PCDHGB6: variants seen among roughly 807,000 people sequenced by gnomAD.
The protein encoded by PCDHGB6 is protocadherin gamma-B6.
A neutral mutation model predicts 59.1 loss-of-function variants in PCDHGB6; 51 were observed. The ratio of observed to expected loss-of-function variants is 0.86; its 90% confidence interval spans 0.69 to 1.09. The LOEUF (loss-of-function observed/expected upper bound fraction) is 1.09. PCDHGB6 is among the 50% of genes least tolerant of loss of function. The pLI, the probability that PCDHGB6 is intolerant of heterozygous loss-of-function variation, is 0.00. For missense variants in PCDHGB6, 1,148 were observed against 1,205.1 expected (o/e 0.95, Z 0.70); for synonymous variants, 466 against 495.1 (o/e 0.94, Z 0.78).
rs552812176 is a variant in PCDHGB6, at chr5:141,497,407, A to G, written c.2477+2542A>G. Among the ~76,000 whole-genome samples, 43 of 152,204 alleles carry G rather than the reference A, an allele frequency of 2.8e-4. No individual in the cohort carries two copies. In the Middle Eastern group the frequency reaches 0.01, roughly 36 times the overall value. The stretch of plus-strand genomic sequence containing the variant: ...GCACCTTACCCCTGCCTCAACTCCC[A>G]TTCCATCAAATGAGAGGCTTAGTGG... On this transcript the variant is annotated intron_variant, in intron 2 of 3. Coordinates refer to ENST00000520790, the MANE Select transcript of PCDHGB6 (RefSeq NM_018926.3).
intron 1 of PCDHGB6, among the ~76,000 whole-genome samples, chr5:141,445,011 T>C (rs970882082): frequency 1.3e-5 from 2 of 152,196 alleles, no homozygotes; most frequent in Non-Finnish European, 2.9e-5. Flanking sequence ...AATTAGGTCT[T>C]TAATTTCTCT....
chr5:141,491,810 G>T lies in PCDHGB6; in HGVS notation c.2419-2997G>T. 1 of 1,486,878 alleles carries T rather than the reference G, an allele frequency of 6.7e-7. No individual in the cohort carries two copies. The allele number at this position is 1,486,878 out of a possible 1,614,324, so 92.1% of individuals were successfully genotyped here. A position where few individuals can be genotyped will look rare whatever the true frequency, so the allele number is the denominator to read the frequency against. ...CCACTCCTCTCCGGCCGGCTTGGTC[G>T]CTGGCTGCGCTCCACCCGATTCTCG... On this transcript the variant is annotated intron_variant, in intron 1 of 3. Coordinates refer to ENST00000520790, the MANE Select transcript of PCDHGB6 (RefSeq NM_018926.3). This position sits in a 1 kb window ranked among gnomAD's most constrained non-coding sequence, Gnocchi z 6.9.
chr5:141,469,603 GTAAAA>G (rs929191572), intron 1 of PCDHGB6, among the ~76,000 whole-genome samples: 9 of 152,038 alleles, frequency 5.9e-5, no homozygotes, highest in Admixed American at 1.3e-4. Context: ...AACAAAATAA[GTAAAA>G]TAAAATAAAT....
chr5:141,478,987 G>T (rs1007857792), intron 1 of PCDHGB6, among the ~76,000 whole-genome samples: 8 of 152,144 alleles, frequency 5.3e-5, no homozygotes, highest in African/African-American at 1.4e-4. Flanking sequence ...TGTGACATTT[G>T]TATTAAAACT....
intron 1 of PCDHGB6, chr5:141,433,227 T>C (rs1178649427): frequency 6.5e-6 from 10 of 1,528,034 alleles, no homozygotes; most frequent in Non-Finnish European, 8.9e-6. Context: ...TTTTAATTGC[T>C]CTGTCTCCCA....
intron 1 of PCDHGB6, chr5:141,418,648 A>G (rs1387887578): frequency 1.2e-6 from 2 of 1,614,036 alleles, no homozygotes; most frequent in Non-Finnish European, 1.7e-6. Flanking sequence ...CCATCCTGAG[A>G]GTGAAGGCCA....
chr5:141,430,957 C>T (rs771551541), intron 1 of PCDHGB6: 42 of 1,611,532 alleles, frequency 2.6e-5, no homozygotes, highest in Middle Eastern at 3.3e-4. Context: ...GAGTCCGCAT[C>T]ATCCCCAGAG....
Position 141,414,298 on chromosome 5 carries a change from G to A in PCDHGB6, c.2418+3678G>A, listed in dbSNP as rs200349573. ...GGGAACAGTCGTAGCCCTTTTAAAT[G>A]TGCATGATTTAGACTCTGAGCAGAA... On this transcript the variant is annotated intron_variant, in intron 1 of 3. Transcript: ENST00000520790. The A allele has an allele frequency of 1.9e-5, 30 of 1,613,626 alleles. No homozygotes were observed. In the East Asian group the frequency reaches 6.7e-4, roughly 36 times the overall value.
chr5:141,496,342 G>A (rs1430202202), intron 2 of PCDHGB6, among the ~76,000 whole-genome samples: 1 of 152,208 alleles, frequency 6.6e-6, no homozygotes, highest in East Asian at 1.9e-4. Context: ...GAGCCTGGAG[G>A]AGTCTCAGAG....
At position 141,486,881 on chromosome 5, in the gene PCDHGB6, G is replaced by T. The variant is rs114512641; in HGVS notation, c.2419-7926G>T. The T allele has an allele frequency of 1.3e-5, 21 of 1,614,090 alleles. No homozygotes were observed. The East Asian group carries it at 4.7e-4, about 36-fold the overall frequency. ...TGCTCCAGCTGTGCTCCGTCCTCGG[G>T]CCCGGCCTGGTTCCTTATGTCCCCA... is the stretch of plus-strand genomic sequence containing the variant. On this transcript the variant is annotated intron_variant, in intron 1 of 3. Coordinates refer to ENST00000520790, the MANE Select transcript of PCDHGB6 (RefSeq NM_018926.3). This position sits in a 1 kb window ranked among gnomAD's most constrained non-coding sequence, Gnocchi z 5.0.
intron 1 of PCDHGB6, chr5:141,418,101 G>A (rs965772298): frequency 3.7e-6 from 6 of 1,614,082 alleles, no homozygotes; most frequent in Non-Finnish European, 5.1e-6. Flanking sequence ...GACGCGCAGA[G>A]CGGGGACTTA....
chr5:141,443,104 C>A (rs950011995), intron 1 of PCDHGB6, among the ~76,000 whole-genome samples: 1 of 151,854 alleles, frequency 6.6e-6, no homozygotes, highest in East Asian at 1.9e-4. Flanking sequence ...TCAAGCTGAA[C>A]CTTGCTTTTC....
Position 141,431,633 on chromosome 5 carries a change from T to A in PCDHGB6, c.2418+21013T>A. ...TGTGGACGACAAGGCGGCCCAAGTT[T>A]TCAAACTAGATTGTAATTCAGGGAC... On this transcript the variant is annotated intron_variant, in intron 1 of 3. Coordinates refer to ENST00000520790, the MANE Select transcript of PCDHGB6 (RefSeq NM_018926.3). The surrounding 1 kb of genome is among the most constrained non-coding windows in gnomAD (Gnocchi z 4.8). 1 of 1,614,240 alleles carries A rather than the reference T, an allele frequency of 6.2e-7. No individual in the cohort carries two copies. The highest frequency in any genetic ancestry group is 8.5e-7 in the Non-Finnish European group (1 of 1,180,048).
intron 1 of PCDHGB6, chr5:141,479,437 C>G (rs2099496053): frequency 6.6e-6 from 1 of 152,224 alleles, no homozygotes; most frequent in Admixed American, 6.5e-5. Flanking sequence ...AATCCACTGT[C>G]TGCACTAAGT....
In PCDHGB6 at chr5:141,477,844, G is replaced by A. The variant is rs748180474; in HGVS notation, c.2419-16963G>A. On this transcript the variant is annotated intron_variant, in intron 1 of 3. Coordinates refer to ENST00000520790, the MANE Select transcript of PCDHGB6 (RefSeq NM_018926.3). This position sits in a 1 kb window ranked among gnomAD's most constrained non-coding sequence, Gnocchi z 4.9. ...TATATCCTCGGCCAGGTGGGAGCTC[G>A]GTGGAGATGCTGCCTCGAGGTACCT... The A allele has an allele frequency of 6.2e-7, 1 of 1,613,394 alleles. No individual in the cohort carries two copies.
At chr5:141,508,823 G>A (rs1445894402) in intron 3 of PCDHGB6, among the ~76,000 whole-genome samples, 1 of 151,966 alleles carries the variant, frequency 6.6e-6, no homozygotes, top group Admixed American at 6.6e-5. Flanking sequence ...GCCAGATCTG[G>A]GCCCCCCTCC....
At chr5:141,463,301 A>G (rs1277348576) in intron 1 of PCDHGB6, among the ~76,000 whole-genome samples, 2 of 151,638 alleles carry the variant, frequency 1.3e-5, no homozygotes, top group South Asian at 2.1e-4. Flanking sequence ...AATCTCCCCA[A>G]ACTCTAATAT....
At position 141,470,874 on chromosome 5, in the gene PCDHGB6, T is replaced by G. The variant is rs146599745; in HGVS notation, c.2419-23933T>G. ...AGATAAGTTTTTTGTTTGTTTGTTT[T>G]TTTGTTTTTGTTTTTGTTTTTTGTA... On this transcript the variant is annotated intron_variant, in intron 1 of 3. Coordinates refer to ENST00000520790, the MANE Select transcript of PCDHGB6 (RefSeq NM_018926.3). 1.4e-3 allele frequency among the ~76,000 whole-genome samples: 218 copies of G among 151,820 alleles called. 1 individual carries two copies. Among genetic ancestry groups the G allele is most frequent in the Middle Eastern group, 0.01 (3 of 294 alleles).
chr5:141,432,859 C>A lies in PCDHGB6; in HGVS notation c.2418+22239C>A. The A allele has an allele frequency of 1.2e-6, 2 of 1,614,190 alleles. No homozygotes were observed. Among genetic ancestry groups the A allele is most frequent in the Non-Finnish European group, 1.7e-6 (2 of 1,180,020 alleles). The stretch of plus-strand genomic sequence containing the variant: ...ACCTGGTGGTAGCGGTGGCCGCGGT[C>A]TCCTGCGTCTTCCTGGCCTTCGTCA... On this transcript the variant is annotated intron_variant, in intron 1 of 3. Transcript: ENST00000520790. This position sits in a 1 kb window ranked among gnomAD's most constrained non-coding sequence, Gnocchi z 6.0.
Sources: gnomAD v4.1 joint callset for allele counts (sites outside exome capture counted in the v4.1 genomes callset) on GRCh38, gnomAD v4.1.1 for gene constraint, Gnocchi (gnomAD v3.1) non-coding constraint, MANE v1.5 for transcripts, NCBI Gene and HGNC (gene_info 2026-07-23, HGNC 2026-07-21) for gene names.